ADGRG1: variants seen among roughly 807,000 people sequenced by gnomAD.
ADGRG1 encodes adhesion G protein-coupled receptor G1, also known as 7-transmembrane protein with no EGF-like N-terminal domains-1.
A neutral mutation model predicts 73.5 loss-of-function variants in ADGRG1; 53 were observed. That is an observed-to-expected ratio of 0.72 (90% confidence interval 0.58 to 0.91). ADGRG1 has a LOEUF of 0.91. ADGRG1 is among the 40% of genes least tolerant of loss of function. The pLI is 0.00. For synonymous variants in ADGRG1, 394 were observed against 374.4 expected, an observed-to-expected ratio of 1.05 and a Z score of -0.60; for missense variants, 795 against 871.8, an observed-to-expected ratio of 0.91 and a Z score of 1.11.
upstream of ADGRG1, chr16:57,627,177 G>A (rs182350975): frequency 1.4e-6 from 1 of 720,350 alleles, no homozygotes; most frequent in Non-Finnish European, 1.7e-6. Context: ...GGTGAGGAGT[G>A]CAGTTCACCT....
In ADGRG1 at chr16:57,665,068, TC is replaced by T. The variant is rs2047997307; in HGVS notation, c.*1488del. 6.6e-6 allele frequency: 1 copy of T among 152,176 alleles called. No individual in the cohort carries two copies. The highest frequency in any genetic ancestry group is 6.5e-5 in the Admixed American group (1 of 15,274). 9.4% of individuals were successfully genotyped at this position (152,176 alleles called of 1,614,324 possible). ...TTGGGTCATTTCCTTCTGAGCTTTT[TC>T]CTGTGCTTCTATTGAAAGAGTCACT... is the stretch of plus-strand genomic sequence containing the variant. On this transcript the variant is annotated 3_prime_UTR_variant, in exon 14 of 14. Coordinates refer to ENST00000562631, the MANE Select transcript of ADGRG1 (RefSeq NM_201525.4).
upstream of ADGRG1, chr16:57,625,463 TG>T: frequency 2.1e-6 from 1 of 486,270 alleles, no homozygotes; most frequent in Non-Finnish European, 2.7e-6. Context: ...GCCCTTTTCC[TG>T]GTCTCTTGGA....
rs766775940 is a variant in ADGRG1 at position 57,663,630 on chromosome 16, C to T, written c.*48C>T. 2.1e-5 allele frequency: 34 copies of T among 1,595,700 alleles called. No homozygotes were observed. In the Admixed American group the frequency reaches 2.7e-4, roughly 13 times the overall value. On this transcript the variant is annotated 3_prime_UTR_variant, in exon 14 of 14. Transcript: ENST00000562631. ...TGATGAAGCAGAGATTCGGCCTCGT[C>T]GCACACTGCCTGTGGCCCCCGAGCC...
intron 3 of ADGRG1, chr16:57,652,642 G>C: frequency 1.0e-6 from 1 of 985,096 alleles, no homozygotes; most frequent in Non-Finnish European, 1.2e-6. Flanking sequence ...AGGCTTTCTC[G>C]GTTATGCATT....
chr16:57,654,960 T>C (rs2045277896), intron 5 of ADGRG1: 1 of 630,204 alleles, frequency 1.6e-6, no homozygotes, highest in African/African-American at 2.0e-5. Flanking sequence ...GTTCAAGCAG[T>C]CCTCTCGCCC....
At chr16:57,649,008 C>T (rs1266932850) in intron 1 of ADGRG1, among the ~76,000 whole-genome samples, 5 of 152,246 alleles carry the variant, frequency 3.3e-5, no homozygotes, top group African/African-American at 4.8e-5. Flanking sequence ...GGAATCAATG[C>T]AGATGCAGGG....
At chr16:57,657,246 G>T (rs1182719568) in intron 9 of ADGRG1, 127 bp from the exon 10 acceptor site, 2 of 1,376,852 alleles carry the variant, frequency 1.5e-6, no homozygotes, top group Admixed American at 1.8e-5. Context: ...ATTCTGCTCA[G>T]TTGGGAGAGG....
intron 5 of ADGRG1, 196 bp from the exon 6 acceptor site, chr16:57,655,203 A>G: frequency 3.0e-6 from 3 of 985,398 alleles, no homozygotes; most frequent in Non-Finnish European, 3.6e-6. Context: ...TCTAACCACA[A>G]GACTCCCCAG....
At chr16:57,652,210 T>A in intron 3 of ADGRG1, 1 of 949,644 alleles carries the variant, frequency 1.1e-6, no homozygotes, top group Non-Finnish European at 1.3e-6. Flanking sequence ...AGCTGCATCT[T>A]CCCCCTTGAG....
At chr16:57,644,268 GCA>G (rs1206535999) in intron 1 of ADGRG1, 27 of 838,034 alleles carry the variant, frequency 3.2e-5, no homozygotes, top group Middle Eastern at 1.2e-3. Flanking sequence ...TCATGCACGG[GCA>G]CACACACTCA....
intron 1 of ADGRG1, chr16:57,635,739 C>G (rs1413672606): frequency 7.1e-6 from 7 of 985,222 alleles, no homozygotes; most frequent in Non-Finnish European, 8.4e-6. Flanking sequence ...CTCTCCATGT[C>G]GTTGCCAGGG....
At chr16:57,652,860 A>C in intron 3 of ADGRG1, 1 of 1,139,074 alleles carries the variant, frequency 8.8e-7, no homozygotes. Flanking sequence ...CCCAGGAACC[A>C]CCACCAAGCC....
chr16:57,629,709 A>G (rs1313591660), intron 1 of ADGRG1, among the ~76,000 whole-genome samples: 2 of 152,176 alleles, frequency 1.3e-5, no homozygotes, highest in South Asian at 4.1e-4. Flanking sequence ...GGGGAAGCGC[A>G]GGCTGCGGGC....
At chr16:57,662,110 G>T in intron 13 of ADGRG1, 145 bp downstream of exon 13, 1 of 744,704 alleles carries the variant, frequency 1.3e-6, no homozygotes. Flanking sequence ...CCAGGCCACA[G>T]TCAACAAGTC....
intron 13 of ADGRG1, 146 bp downstream of exon 13, chr16:57,662,111 T>A (rs1567824003): frequency 2.7e-6 from 2 of 743,102 alleles, no homozygotes; most frequent in Non-Finnish European, 4.8e-6. Context: ...CAGGCCACAG[T>A]CAACAAGTCT....
upstream of ADGRG1, chr16:57,627,097 T>G (rs2035989893): frequency 1.0e-6 from 1 of 981,138 alleles, no homozygotes; most frequent in Non-Finnish European, 1.2e-6. Context: ...GCTCTCACCT[T>G]ATGGCCTCCC....
intron 5 of ADGRG1, among the ~76,000 whole-genome samples, chr16:57,654,735 C>G (rs1376827936): frequency 6.6e-6 from 1 of 152,082 alleles, no homozygotes; most frequent in Non-Finnish European, 1.5e-5. Flanking sequence ...TAAAAATTAG[C>G]CGGGCATGGT....
intron 1 of ADGRG1, chr16:57,643,797 T>G: frequency 2.0e-6 from 2 of 977,250 alleles, no homozygotes; most frequent in Non-Finnish European, 2.4e-6. Flanking sequence ...GTCACTCACT[T>G]GGGGAGTGGG....
At chr16:57,639,591 G>A (rs927211749) in intron 1 of ADGRG1, 10 of 985,340 alleles carry the variant, frequency 1.0e-5, no homozygotes, top group African/African-American at 1.7e-5. Context: ...GCAGGCTACT[G>A]CCTGCAAACA....
Sources: allele counts gnomAD v4.1 joint callset (sites outside exome capture counted in the v4.1 genomes callset), GRCh38; gene constraint gnomAD v4.1.1; transcripts MANE v1.5; gene names NCBI Gene and HGNC (gene_info 2026-07-23, HGNC 2026-07-21).